Variants in ARID3B observed in about 807,000 individuals in gnomAD.
ARID3B encodes AT-rich interactive domain-containing protein 3B.
Under a neutral mutation model 51.9 loss-of-function variants are expected in ARID3B, and 10 were observed. The ratio of observed to expected loss-of-function variants is 0.19; its 90% CI spans 0.12 to 0.33. ARID3B has a LOEUF of 0.33. Among genes scored for constraint, ARID3B ranks in the 10% least tolerant of loss-of-function variants. ARID3B has a pLI of 1.00. For synonymous variants in ARID3B, 205 were observed against 279.5 expected, an observed-to-expected ratio of 0.73 and a Z score of 2.66; for missense variants, 483 against 716.3, an observed-to-expected ratio of 0.67 and a Z score of 3.72.
intron 5 of ARID3B, among the ~76,000 whole-genome samples, chr15:74,590,556 G>A (rs190017752): frequency 1.3e-5 from 2 of 152,324 alleles, no homozygotes; most frequent in Admixed American, 1.3e-4. Flanking sequence ...TGATGGAAGC[G>A]GTGAAACCAA....
At chr15:74,561,320 A>G (rs1277105708) in intron 2 of ARID3B, among the ~76,000 whole-genome samples, 1 of 152,246 alleles carries the variant, frequency 6.6e-6, no homozygotes, top group East Asian at 1.9e-4. Context: ...AATAGGAATC[A>G]AGTGTGTTTA....
rs990193806 is a variant in ARID3B at position 74,589,921 on chromosome 15, A to C, written c.799A>C (p.Asn267His). Reference protein sequence around the residue: ...TEKGGLVEIINKKIWREITKG... With the variant: ...TEKGGLVEIIHKKIWREITKG... ...GAAGGGAGGCCTGGTGGAGATCATCAACAAGAAGATCTGGAGGGAGATCAC... is the reference window on the plus strand; with the variant it reads ...GAAGGGAGGCCTGGTGGAGATCATCCACAAGAAGATCTGGAGGGAGATCAC... The change falls in exon 5 of 9, where the codon AAC (asparagine) becomes CAC (histidine). Residue 267 changes from asparagine to histidine, a missense_variant. Physicochemically the swap from Asn to His is moderately conservative, Grantham distance 68. Around this residue, in one of 3 missense-constraint regions of ARID3B, gnomAD observed 36 missense variants for 117.5 expected, o/e 0.31. Coordinates refer to ENST00000346246, the MANE Select transcript of ARID3B (RefSeq NM_006465.4). The C allele has an allele frequency of 6.2e-6, 10 of 1,613,974 alleles. No individual in the cohort carries two copies. Among genetic ancestry groups the C allele is most frequent in the Non-Finnish European group, 6.8e-6 (8 of 1,180,004 alleles).
chr15:74,561,544 T>A (rs1264154538), intron 2 of ARID3B, among the ~76,000 whole-genome samples: 1 of 152,240 alleles, frequency 6.6e-6, no homozygotes, highest in African/African-American at 2.4e-5. Flanking sequence ...GAGGCAGTTA[T>A]AAGCAGGGAC....
At chr15:74,589,505 A>G (rs541213055) in intron 4 of ARID3B, among the ~76,000 whole-genome samples, 78 of 152,266 alleles carry the variant, frequency 5.1e-4, no homozygotes, top group African/African-American at 1.8e-3. Context: ...TACTGCCAGC[A>G]AAACAAAAAC....
chr15:74,590,037 G>A, intron 5 of ARID3B, 34 bp downstream of exon 5: 1 of 1,559,364 alleles, frequency 6.4e-7, no homozygotes. Context: ...AGGAAGCTGA[G>A]GCTGGAGAAA....
At chr15:74,556,797 C>T (rs1263585268) in intron 2 of ARID3B, among the ~76,000 whole-genome samples, 3 of 101,778 alleles carry the variant, frequency 2.9e-5, no homozygotes, top group East Asian at 4.0e-4. Context: ...TTTTTTGAGA[C>T]GGAGTCTCAC....
intron 2 of ARID3B, among the ~76,000 whole-genome samples, chr15:74,567,370 A>G (rs147035794): frequency 9.3e-4 from 141 of 152,060 alleles, no homozygotes; most frequent in Admixed American, 8.6e-3. Flanking sequence ...TTGTCTTGCT[A>G]TTATATGCTA....
chr15:74,575,746 C>G (rs555582658), intron 4 of ARID3B, among the ~76,000 whole-genome samples: 2 of 152,178 alleles, frequency 1.3e-5, no homozygotes, highest in Non-Finnish European at 1.5e-5. Context: ...TCAGCACTTA[C>G]GTCAGGTATT....
rs947259269 is a variant in ARID3B, at chr15:74,596,317, C to T, written c.*543C>T. On this transcript the variant is annotated 3_prime_UTR_variant, in exon 9 of 9. Coordinates refer to ENST00000346246, the MANE Select transcript of ARID3B (RefSeq NM_006465.4). ...TGCCTACTGTTAGGTTCCTGGGGTACGGGTCCCTCAAACACAAGTCTTGAA... is the reference window on the plus strand; with the variant it reads ...TGCCTACTGTTAGGTTCCTGGGGTATGGGTCCCTCAAACACAAGTCTTGAA... 6.4e-5 allele frequency: 15 copies of T among 233,454 alleles called. No homozygotes were observed. Among genetic ancestry groups the T allele is most frequent in the African/African-American group, 6.6e-5 (3 of 45,286 alleles). 14.5% of individuals were successfully genotyped at this position (233,454 alleles called of 1,614,324 possible).
At position 74,595,991 on chromosome 15, in the gene ARID3B, A is replaced by G; in HGVS notation, c.*217A>G. On this transcript the variant is annotated 3_prime_UTR_variant, in exon 9 of 9. Transcript: ENST00000346246. The stretch of plus-strand genomic sequence containing the variant: ...GGGGCAGGACAGACAGCGTTGTCCA[A>G]TCAGGGATTGTCCTGGAGAACTGGG... 1.8e-6 allele frequency: 1 copy of G among 546,374 alleles called. No individual in the cohort carries two copies. The highest frequency in any genetic ancestry group is 3.2e-6 in the Non-Finnish European group (1 of 314,648). The allele number at this position is 546,374 out of a possible 1,614,324, so 33.8% of individuals were successfully genotyped here.
intron 4 of ARID3B, among the ~76,000 whole-genome samples, chr15:74,577,157 G>A (rs549287984): frequency 1.6e-4 from 24 of 152,230 alleles, no homozygotes; most frequent in Admixed American, 1.2e-3. Context: ...CTGGTAGTCC[G>A]AACTAGAGTG....
rs747652952 is a variant in ARID3B, at chr15:74,595,738, C to T, written c.1647C>T (p.Thr549=). Residue 549 remains threonine, a synonymous_variant, in exon 9 of 9, where the codon ACC becomes ACT. Coordinates refer to ENST00000346246, the MANE Select transcript of ARID3B (RefSeq NM_006465.4). ...CAAGTCCTACCTCATCCCGGGGCAC[C>T]CCCAGCGCAGAGCCCTCCACCAGCT... ...CSPSPTSSRG[T]PSAEPSTSWS... 1.2e-6 allele frequency: 2 copies of T among 1,611,240 alleles called. No individual in the cohort carries two copies. The highest frequency in any genetic ancestry group is 1.7e-6 in the Non-Finnish European group (2 of 1,178,188).
chr15:74,554,821 A>G (rs901474132), intron 2 of ARID3B, among the ~76,000 whole-genome samples: 3 of 152,176 alleles, frequency 2.0e-5, no homozygotes, highest in Non-Finnish European at 2.9e-5. Flanking sequence ...TTGCAGGTTC[A>G]GTTCCAGACC....
chr15:74,573,315 A>G (rs1394815311), intron 4 of ARID3B, 111 bp downstream of exon 4: 1 of 1,210,348 alleles, frequency 8.3e-7, no homozygotes, highest in Non-Finnish European at 1.2e-6. Flanking sequence ...CAGGAGGAGA[A>G]GAGGCATTTA....
intron 4 of ARID3B, among the ~76,000 whole-genome samples, chr15:74,588,085 GTT>G (rs1245230439): frequency 6.6e-6 from 1 of 152,038 alleles, no homozygotes; most frequent in Admixed American, 6.6e-5. Context: ...TACAGAAAAT[GTT>G]TTTAAATTCC....
At chr15:74,557,319 G>A (rs929319834) in intron 2 of ARID3B, among the ~76,000 whole-genome samples, 1 of 151,864 alleles carries the variant, frequency 6.6e-6, no homozygotes, top group African/African-American at 2.4e-5. Context: ...GGGAGGCTGA[G>A]GTGGGAGGAT....
chr15:74,564,146 T>C (rs2061689643), intron 2 of ARID3B, among the ~76,000 whole-genome samples: 1 of 152,214 alleles, frequency 6.6e-6, no homozygotes, highest in Non-Finnish European at 1.5e-5. Flanking sequence ...GCGATTTAGT[T>C]AAGAGCACTA....
At chr15:74,562,040 TAAA>T (rs529889069) in intron 2 of ARID3B, among the ~76,000 whole-genome samples, 7 of 125,450 alleles carry the variant, frequency 5.6e-5, no homozygotes, top group Admixed American at 8.1e-5. Context: ...GACTCTGTCT[TAAA>T]AAAAAAAAAA....
chr15:74,573,056 A>G, intron 3 of ARID3B, 76 bp from the exon 4 acceptor site: 1 of 1,589,052 alleles, frequency 6.3e-7, no homozygotes, highest in South Asian at 1.1e-5. Context: ...TCAGATGGTC[A>G]TAGTATATCT....
Sources: gnomAD v4.1 joint callset for allele counts (sites outside exome capture counted in the v4.1 genomes callset) on GRCh38, gnomAD v4.1.1 for gene constraint, gnomAD v4.1.1 regional missense constraint, MANE v1.5 for transcripts, NCBI Gene and HGNC (gene_info 2026-07-23, HGNC 2026-07-21) for gene names.